Variants in ZNF337 observed in about 807,000 individuals in gnomAD.
The protein encoded by ZNF337 is zinc finger protein 337.
ZNF337 carries 8 observed loss-of-function variants against 12.1 expected under a neutral mutation model. That is an observed-to-expected ratio of 0.66 (90% CI 0.39 to 1.19). ZNF337 has a LOEUF of 1.19. Among genes scored for constraint, ZNF337 ranks in the 50% most tolerant of loss-of-function variants. The pLI, the probability that ZNF337 is intolerant of heterozygous loss-of-function variation, is 0.01. For missense variants in ZNF337, 882 were observed against 896.6 expected (o/e 0.98, Z 0.21); for synonymous variants, 336 against 320.0 (o/e 1.05, Z -0.53).
intron 1 of ZNF337, among the ~76,000 whole-genome samples, chr20:25,692,107 C>T (rs1183423392): frequency 6.6e-6 from 1 of 152,172 alleles, no homozygotes; most frequent in African/African-American, 2.4e-5. Context: ...GGTAGGGAAA[C>T]TTCCTTTACC....
At position 25,675,173 on chromosome 20, in the gene ZNF337, T is replaced by C; in HGVS notation, c.2115A>G (p.Arg705=). ...CATAAGGCCTCTCTCCTGTGTGTATTCTTTCATGCACAGTGAGGTCTGACT... is the reference window on the plus strand; with the variant it reads ...CATAAGGCCTCTCTCCTGTGTGTATCCTTTCATGCACAGTGAGGTCTGACT... ...TSKSDLTVHE[R]IHTGERPYEC... is the part of the protein sequence containing the mutation. Residue 705 remains arginine (R), a synonymous_variant, in exon 5 of 5, where the codon AGA becomes AGG. Coordinates refer to ENST00000252979, the MANE Select transcript of ZNF337 (RefSeq NM_015655.4). 1 of 1,614,272 alleles carries C rather than the reference T, an allele frequency of 6.2e-7. No homozygotes were observed.
intron 1 of ZNF337, 34 bp downstream of exon 1, chr20:25,696,725 G>C: frequency 5.1e-6 from 5 of 984,970 alleles, no homozygotes; most frequent in Non-Finnish European, 6.0e-6. Context: ...GGAAGGGCGC[G>C]CTGCAGAGAG....
intron 1 of ZNF337, among the ~76,000 whole-genome samples, chr20:25,687,272 T>G (rs2065842861): frequency 6.6e-6 from 1 of 152,170 alleles, no homozygotes; most frequent in Admixed American, 6.5e-5. Context: ...CACTTCATAA[T>G]TTTTAGAACT....
At chr20:25,680,623 A>C (rs924632770) in intron 4 of ZNF337, among the ~76,000 whole-genome samples, 8 of 152,220 alleles carry the variant, frequency 5.3e-5, no homozygotes, top group Non-Finnish European at 1.2e-4. Flanking sequence ...AAAATACTCC[A>C]AAACTTGTCA....
At chr20:25,687,685 C>T (rs2065847162) in intron 1 of ZNF337, among the ~76,000 whole-genome samples, 1 of 152,238 alleles carries the variant, frequency 6.6e-6, no homozygotes, top group Admixed American at 6.5e-5. Context: ...TCCTTTTGTT[C>T]TTAAGGAGAT....
intron 4 of ZNF337, among the ~76,000 whole-genome samples, chr20:25,685,208 AAAAACAAAAC>A (rs199610962): frequency 6.6e-6 from 1 of 152,154 alleles, no homozygotes; most frequent in East Asian, 1.9e-4. Flanking sequence ...AAAATAATTA[AAAAACAAAAC>A]AAAACAAAAC....
chr20:25,695,983 T>C (rs2065921548), intron 1 of ZNF337, among the ~76,000 whole-genome samples: 1 of 151,976 alleles, frequency 6.6e-6, no homozygotes, highest in Non-Finnish European at 1.5e-5. Context: ...TTTAAATATA[T>C]TTTGGCAGAA....
Position 25,686,470 on chromosome 20 carries a change from T to G in ZNF337, c.-49-4A>C. ...GGGAAGCTTGCAGATGGCCAATCTGTGGGAGGAGAGAAGTCAGAGGGTGGC... is the reference window on the plus strand; with the variant it reads ...GGGAAGCTTGCAGATGGCCAATCTGGGGGAGGAGAGAAGTCAGAGGGTGGC... On this transcript the variant is annotated splice_region_variant and splice_polypyrimidine_tract_variant and intron_variant, in intron 1 of 4. Transcript: ENST00000252979. The G allele has an allele frequency of 6.2e-7, 1 of 1,609,602 alleles. No individual in the cohort carries two copies. Among genetic ancestry groups the G allele is most frequent in the Non-Finnish European group, 8.5e-7 (1 of 1,177,854 alleles).
chr20:25,678,263 G>T (rs1183503429), intron 4 of ZNF337, among the ~76,000 whole-genome samples: 1 of 151,902 alleles, frequency 6.6e-6, no homozygotes, highest in Admixed American at 6.6e-5. Context: ...AGGTGAAAAA[G>T]AAATCAAGAA....
intron 1 of ZNF337, among the ~76,000 whole-genome samples, chr20:25,691,057 C>A (rs1293519237): frequency 1.3e-5 from 2 of 151,954 alleles, no homozygotes; most frequent in African/African-American, 4.8e-5. Context: ...AAAATATTCT[C>A]AAAAACTCAT....
rs1318154344 is a variant in ZNF337 at position 25,673,521 on chromosome 20, A to G, written c.*1511T>C. On this transcript the variant is annotated 3_prime_UTR_variant, in exon 5 of 5. Transcript: ENST00000252979. The stretch of plus-strand genomic sequence containing the variant: ...CTGTGGCTGGGAGCATGGCAGAGGC[A>G]ATCTTGGGCATCCATGGAGATGTTC... 6.6e-6 allele frequency among the ~76,000 whole-genome samples: 1 copy of G among 152,160 alleles called. No individual in the cohort carries two copies. Among genetic ancestry groups the G allele is most frequent in the Non-Finnish European group, 1.5e-5 (1 of 68,022 alleles).
intron 4 of ZNF337, among the ~76,000 whole-genome samples, chr20:25,683,797 A>G (rs1351372194): frequency 6.6e-6 from 1 of 152,180 alleles, no homozygotes; most frequent in Admixed American, 6.5e-5. Flanking sequence ...CAGTGTGGCG[A>G]TTCCTCAGGG....
chr20:25,676,871 AT>A lies in ZNF337; in HGVS notation c.416del (p.His139LeufsTer3), dbSNP rs1199884911. On this transcript the variant is annotated frameshift_variant, in exon 5 of 5. Coordinates refer to ENST00000252979, the MANE Select transcript of ZNF337 (RefSeq NM_015655.4). LOFTEE classifies it low-confidence loss of function (END_TRUNC). ...TGTTCCTCCTCCTTGAGCTTACTGC[AT>A]GTCTTAGGGGTGGGCTGGAAAATGC... is the stretch of plus-strand genomic sequence containing the variant. ...PMAFSSPPLR[H>X]AVSSRRRNSV... 1 of 1,614,002 alleles carries A rather than the reference AT, an allele frequency of 6.2e-7. No homozygotes were observed. Among genetic ancestry groups the A allele is most frequent in the African/African-American group, 1.3e-5 (1 of 74,990 alleles).
In ZNF337 at chr20:25,685,593, C is replaced by T; in HGVS notation, c.224G>A (p.Arg75Lys). The T allele has an allele frequency of 1.2e-6, 2 of 1,614,194 alleles. No individual in the cohort carries two copies. Among genetic ancestry groups the T allele is most frequent in the Middle Eastern group, 1.6e-4 (1 of 6,062 alleles). ...TGCACAGGGGCCTGGCCGGCGTCTT[C>T]TCTCTTCTCCCCAGGGCACTTCCCC... is the stretch of plus-strand genomic sequence containing the variant. ...EQGEVPWGEE[R>K]RRRPGPCAGI... Residue 75 changes from arginine to lysine, a missense_variant, in exon 4 of 5, where the codon AGA becomes AAA. Physicochemically the swap from Arg to Lys is conservative, Grantham distance 26. Transcript: ENST00000252979.
intron 1 of ZNF337, among the ~76,000 whole-genome samples, chr20:25,687,707 A>C (rs74961170): frequency 0.017 from 2,524 of 152,346 alleles, 71 homozygotes; most frequent in African/African-American, 0.058. Context: ...GCTACAGATA[A>C]AACGTTAAAT....
intron 4 of ZNF337, among the ~76,000 whole-genome samples, chr20:25,679,289 C>T (rs1040197823): frequency 9.2e-5 from 14 of 152,242 alleles, no homozygotes; most frequent in African/African-American, 3.1e-4. Context: ...ACTTCAAAAT[C>T]ACAAGCAACA....
At chr20:25,690,932 A>T (rs554555474) in intron 1 of ZNF337, among the ~76,000 whole-genome samples, 14 of 152,310 alleles carry the variant, frequency 9.2e-5, no homozygotes, top group Admixed American at 3.9e-4. Context: ...AATTTCTAAC[A>T]ACAACAACAA....
intron 1 of ZNF337, among the ~76,000 whole-genome samples, chr20:25,694,234 C>T (rs748012933): frequency 6.6e-6 from 1 of 152,134 alleles, no homozygotes; most frequent in Non-Finnish European, 1.5e-5. Context: ...GTGACTATTA[C>T]CCACCAATTT....
chr20:25,688,279 TACTG>T (rs2065852430), intron 1 of ZNF337, among the ~76,000 whole-genome samples: 1 of 152,228 alleles, frequency 6.6e-6, no homozygotes, highest in African/African-American at 2.4e-5. Flanking sequence ...TTTTTAAAAA[TACTG>T]ACCTTATTTT....
Sources: gnomAD v4.1 joint callset for allele counts (sites outside exome capture counted in the v4.1 genomes callset) on GRCh38, gnomAD v4.1.1 for gene constraint, MANE v1.5 for transcripts, NCBI Gene and HGNC (gene_info 2026-07-23, HGNC 2026-07-21) for gene names.